NFATC2: variants seen among roughly 807,000 people sequenced by gnomAD.
The protein encoded by NFATC2 is nuclear factor of activated T cells 2.
Under a neutral mutation model 87.3 loss-of-function variants are expected in NFATC2, and 22 were observed. The observed-to-expected ratio is 0.25, with a 90% CI of 0.18 to 0.36. NFATC2 has a LOEUF of 0.36. NFATC2 is among the 10% of genes least tolerant of loss of function. NFATC2 has a pLI of 1.00. For synonymous variants in NFATC2, 565 were observed against 542.2 expected, an observed-to-expected ratio of 1.04 and a Z score of -0.58; for missense variants, 1,149 against 1,259.1, an observed-to-expected ratio of 0.91 and a Z score of 1.32.
intron 9 of NFATC2, among the ~76,000 whole-genome samples, chr20:51,427,485 T>G (rs1982014713): frequency 6.6e-6 from 1 of 152,202 alleles, no homozygotes; most frequent in African/African-American, 2.4e-5. Context: ...CCCTGTGAAA[T>G]GCACCGCCTT....
intron 1 of NFATC2, among the ~76,000 whole-genome samples, chr20:51,554,851 C>T (rs2076964206): frequency 6.6e-6 from 1 of 152,164 alleles, no homozygotes; most frequent in Admixed American, 6.5e-5. Context: ...TCATGACTGC[C>T]AGTGATAGCG....
intron 9 of NFATC2, among the ~76,000 whole-genome samples, chr20:51,428,470 A>C (rs1982186388): frequency 6.6e-6 from 1 of 152,188 alleles, no homozygotes; most frequent in South Asian, 2.1e-4. Context: ...AAGCAGAAGG[A>C]GCGCCTTGGT....
At position 51,435,279 on chromosome 20, in the gene NFATC2, G is replaced by C. The variant is rs1983396943; in HGVS notation, c.1941C>G (p.Asn647Lys). ...MLFVEIPEYR[N>K]KHIRTPVKVN... Reference sequence around the variant, plus strand: ...CTTTTACAGGTGTGCGGATATGCTTGTTCCGATATTCAGGGATCTCAACAA... The same window carrying C: ...CTTTTACAGGTGTGCGGATATGCTTCTTCCGATATTCAGGGATCTCAACAA... Residue 647 changes from asparagine to lysine, a missense_variant, in exon 8 of 11, where the codon AAC (asparagine) becomes AAG (lysine). Transcript: ENST00000371564. 1 of 1,614,044 alleles carries C rather than the reference G, an allele frequency of 6.2e-7. No homozygotes were observed. Among genetic ancestry groups the C allele is most frequent in the Non-Finnish European group, 8.5e-7 (1 of 1,180,036 alleles).
chr20:51,535,180 T>G (rs1318885404), intron 1 of NFATC2, among the ~76,000 whole-genome samples: 4 of 152,178 alleles, frequency 2.6e-5, no homozygotes, highest in Non-Finnish European at 5.9e-5. Context: ...CAGATAATCC[T>G]CCTGCAACAG....
chr20:51,452,798 C>A (rs866851356), intron 6 of NFATC2: 13 of 153,442 alleles, frequency 8.5e-5, no homozygotes, highest in African/African-American at 3.1e-4. Flanking sequence ...TTACCGAGCA[C>A]TTCCGGTGCT....
chr20:51,433,740 CGTGT>C (rs1381544412), intron 8 of NFATC2, among the ~76,000 whole-genome samples: 5 of 145,928 alleles, frequency 3.4e-5, no homozygotes, highest in Non-Finnish European at 7.4e-5. Context: ...TGTGCGCATG[CGTGT>C]GTGTTCATGC....
intron 6 of NFATC2, among the ~76,000 whole-genome samples, chr20:51,444,251 G>A (rs1984756308): frequency 1.3e-5 from 2 of 151,932 alleles, no homozygotes; most frequent in African/African-American, 4.8e-5. Flanking sequence ...CAAAGTGCTG[G>A]GATTACAGGC....
chr20:51,437,974 G>A (rs554675247), intron 6 of NFATC2, among the ~76,000 whole-genome samples: 21 of 151,768 alleles, frequency 1.4e-4, no homozygotes, highest in South Asian at 4.2e-4. Flanking sequence ...AGAATACTTC[G>A]GCCCCCTGTT....
intron 9 of NFATC2, among the ~76,000 whole-genome samples, chr20:51,427,460 C>A (rs547457933): frequency 6.6e-6 from 1 of 152,200 alleles, no homozygotes; most frequent in African/African-American, 2.4e-5. Flanking sequence ...CATGACAGGG[C>A]CTGCGGGGCA....
intron 1 of NFATC2, among the ~76,000 whole-genome samples, chr20:51,560,946 G>A (rs901629340): frequency 6.6e-6 from 1 of 152,120 alleles, no homozygotes; most frequent in Non-Finnish European, 1.5e-5. Flanking sequence ...TCTCATCCAA[G>A]TTCTTTCTCT....
intron 10 of NFATC2, among the ~76,000 whole-genome samples, chr20:51,394,253 C>A (rs1418096367): frequency 6.6e-6 from 1 of 152,056 alleles, no homozygotes; most frequent in African/African-American, 2.4e-5. Context: ...GCTTTAAGTT[C>A]TGAGAGGGGG....
chr20:51,534,871 T>C (rs2076694467), intron 1 of NFATC2, among the ~76,000 whole-genome samples: 1 of 152,192 alleles, frequency 6.6e-6, no homozygotes. Flanking sequence ...TCATACAGGA[T>C]GTATATGTCT....
intron 1 of NFATC2, among the ~76,000 whole-genome samples, chr20:51,560,415 T>TG (rs397712738): frequency 1.9e-4 from 2 of 10,572 alleles, no homozygotes; most frequent in Admixed American, 3.6e-3. Flanking sequence ...ATCATCTCAC[T>TG]CAGATAAAAC....
chr20:51,561,731 A>G (rs1204527807), intron 1 of NFATC2, among the ~76,000 whole-genome samples: 3 of 152,002 alleles, frequency 2.0e-5, no homozygotes, highest in Non-Finnish European at 4.4e-5. Flanking sequence ...GCAGCCCCCA[A>G]CGCAGTGCTC....
chr20:51,557,558 G>A (rs572975331), intron 1 of NFATC2, among the ~76,000 whole-genome samples: 9 of 152,342 alleles, frequency 5.9e-5, no homozygotes, highest in African/African-American at 2.2e-4. Flanking sequence ...AGAAATGTGA[G>A]TATCTGTTGG....
intron 5 of NFATC2, among the ~76,000 whole-genome samples, chr20:51,459,240 G>T (rs1986883692): frequency 6.6e-6 from 1 of 152,204 alleles, no homozygotes; most frequent in Non-Finnish European, 1.5e-5. Flanking sequence ...TGAAGTGCTG[G>T]TTCCATGCCA....
At position 51,562,451 on chromosome 20, in the gene NFATC2, C is replaced by T; in HGVS notation, c.70+109G>A. On this transcript the variant is annotated intron_variant, in intron 1 of 10. Transcript: ENST00000414705. The surrounding 1 kb of genome is among the most constrained non-coding windows in gnomAD (Gnocchi z 5.8). ...GAGGGCGAGCGGGGTCCCCAGGCCT[C>T]CCGCACCGACCTCTGCCGGGAGCTG... 1 of 1,046,558 alleles carries T rather than the reference C, an allele frequency of 9.6e-7. No homozygotes were observed. Among genetic ancestry groups the T allele is most frequent in the South Asian group, 1.6e-5 (1 of 62,140 alleles). 64.8% of individuals were successfully genotyped at this position (1,046,558 alleles called of 1,614,324 possible).
intron 1 of NFATC2, among the ~76,000 whole-genome samples, chr20:51,537,098 G>A (rs1260966233): frequency 6.6e-6 from 1 of 152,132 alleles, no homozygotes; most frequent in East Asian, 1.9e-4. Context: ...TTTTAATTGT[G>A]CCCTGTGAAT....
At chr20:51,394,391 AGCACTGTTCCCTC>A (rs1986753308) in intron 10 of NFATC2, among the ~76,000 whole-genome samples, 1 of 21,896 alleles carries the variant, frequency 4.6e-5, no homozygotes, top group Non-Finnish European at 8.1e-5. Flanking sequence ...GTCCCCCCTC[AGCACTGTTCCCTC>A]CTCTTGTCTC....
Sources: gnomAD v4.1 joint callset for allele counts (sites outside exome capture counted in the v4.1 genomes callset) on GRCh38, gnomAD v4.1.1 for gene constraint, Gnocchi (gnomAD v3.1) non-coding constraint, MANE v1.5 for transcripts, NCBI Gene and HGNC (gene_info 2026-07-23, HGNC 2026-07-21) for gene names.